The following PLXNA4 variants were observed in gnomAD, a reference collection of about 807,000 sequenced individuals.
PLXNA4 encodes plexin A4.
PLXNA4 carries 44 observed loss-of-function variants against 191.8 expected under a neutral mutation model. The ratio of observed to expected loss-of-function variants is 0.23; its 90% CI spans 0.18 to 0.29. The LOEUF is 0.29. Ranked by LOEUF, PLXNA4 falls within the 10% of genes least tolerant of loss-of-function variation. The pLI is 1.00. For synonymous variants in PLXNA4, 1,082 were observed against 1,009.5 expected, an observed-to-expected ratio of 1.07 and a Z score of -1.36; for missense variants, 1,800 against 2,488.8, an observed-to-expected ratio of 0.72 and a Z score of 5.89.
chr7:132,206,207 C>T (rs115701904), intron 10 of PLXNA4, among the ~76,000 whole-genome samples: 1 of 152,210 alleles, frequency 6.6e-6, no homozygotes, highest in Non-Finnish European at 1.5e-5. Context: ...GATTCAAGAT[C>T]ATGCACAGCA....
intron 3 of PLXNA4, among the ~76,000 whole-genome samples, chr7:132,330,893 C>G (rs920926022): frequency 4.6e-5 from 7 of 152,116 alleles, no homozygotes; most frequent in Admixed American, 4.6e-4. Context: ...ATATGTTTTT[C>G]TAAATAAAGA....
intron 5 of PLXNA4, among the ~76,000 whole-genome samples, chr7:132,231,727 G>C (rs1203814534): frequency 1.3e-5 from 2 of 152,164 alleles, no homozygotes; most frequent in Non-Finnish European, 2.9e-5. Context: ...GCCCAGCCCA[G>C]AACCACACAT....
At chr7:132,471,491 C>G (rs1333195473) in intron 3 of PLXNA4, among the ~76,000 whole-genome samples, 1 of 152,164 alleles carries the variant, frequency 6.6e-6, no homozygotes, top group African/African-American at 2.4e-5. Context: ...GTGCTGCTGG[C>G]TGAGTCCTCC....
At position 132,463,827 on chromosome 7, in the gene PLXNA4, T is replaced by C. The variant is rs1359827344; in HGVS notation, c.1371+25465A>G. Among the ~76,000 whole-genome samples, 4 of 152,142 alleles carry C rather than the reference T, an allele frequency of 2.6e-5. No homozygotes were observed. In the East Asian group the frequency reaches 5.8e-4, roughly 22 times the overall value. On this transcript the variant is annotated intron_variant, in intron 3 of 31. Coordinates refer to ENST00000321063, the MANE Select transcript of PLXNA4 (RefSeq NM_020911.2). The stretch of plus-strand genomic sequence containing the variant: ...TGAGCAGACATCTTATTCCTTCCAG[T>C]CCAGCATCAGTGGATAAAACAGAAC...
At chr7:132,192,230 T>C (rs1310077162) in intron 14 of PLXNA4, among the ~76,000 whole-genome samples, 1 of 152,184 alleles carries the variant, frequency 6.6e-6, no homozygotes, top group Non-Finnish European at 1.5e-5. Flanking sequence ...CCTTCTAGAC[T>C]GTAGGCCTCC....
chr7:132,304,317 G>A (rs537049738), intron 3 of PLXNA4, among the ~76,000 whole-genome samples: 5 of 152,092 alleles, frequency 3.3e-5, no homozygotes, highest in African/African-American at 1.2e-4. Context: ...CTCAGCCCCC[G>A]TAGATAGTTC....
At chr7:132,361,985 T>C (rs1310271583) in intron 3 of PLXNA4, among the ~76,000 whole-genome samples, 1 of 152,240 alleles carries the variant, frequency 6.6e-6, no homozygotes, top group Non-Finnish European at 1.5e-5. Context: ...CAACTGGATC[T>C]AAAGTGAGGT....
chr7:132,367,285 G>A (rs557256335), intron 3 of PLXNA4, among the ~76,000 whole-genome samples: 5 of 152,306 alleles, frequency 3.3e-5, no homozygotes, highest in African/African-American at 4.8e-5. Context: ...CCTAGATCCA[G>A]AGCCTGCTAA....
intron 24 of PLXNA4, among the ~76,000 whole-genome samples, chr7:132,163,200 A>T (rs1282690910): frequency 1.3e-5 from 2 of 152,198 alleles, no homozygotes; most frequent in Non-Finnish European, 2.9e-5. Flanking sequence ...GTGATCTCCA[A>T]AAAATCCCGA....
intron 4 of PLXNA4, among the ~76,000 whole-genome samples, chr7:132,254,972 T>A (rs1008020463): frequency 6.6e-6 from 1 of 152,070 alleles, no homozygotes; most frequent in Non-Finnish European, 1.5e-5. Flanking sequence ...AATTCCAGGC[T>A]AATTTGGGCC....
chr7:132,627,338 T>C (rs537011315), intron 2 of PLXNA4, among the ~76,000 whole-genome samples: 3 of 152,328 alleles, frequency 2.0e-5, no homozygotes, highest in Non-Finnish European at 2.9e-5. Context: ...TTTCCTGTCT[T>C]CATTCTCCTG....
intron 2 of PLXNA4, among the ~76,000 whole-genome samples, chr7:132,611,495 T>C (rs1803045601): frequency 6.6e-6 from 1 of 152,106 alleles, no homozygotes; most frequent in Non-Finnish European, 1.5e-5. Flanking sequence ...CCCAACTCCT[T>C]CACAACTTCT....
chr7:132,187,516 C>T lies in PLXNA4; in HGVS notation c.2948G>A (p.Ser983Asn), dbSNP rs1475843988. 6.2e-7 allele frequency: 1 copy of T among 1,614,138 alleles called. No individual in the cohort carries two copies. The highest frequency in any genetic ancestry group is 1.7e-5 in the Admixed American group (1 of 60,028). ...TITGTNLNAGSNVVVMFGKQP... is the reference protein window; with the variant it reads ...TITGTNLNAGNNVVVMFGKQP... ...CTTTCCAAACATCACCACCACGTTGCTTCCGGCATTCAGGTTGGTGCCTGT... is the reference window on the plus strand; with the variant it reads ...CTTTCCAAACATCACCACCACGTTGTTTCCGGCATTCAGGTTGGTGCCTGT... Residue 983 changes from serine to asparagine, a missense_variant, in exon 15 of 32, where the codon AGC (serine) becomes AAC (asparagine). Ser to Asn is a conservative substitution (Grantham distance 46). Around this residue, in one of 6 missense-constraint regions of PLXNA4, gnomAD observed 1,397 missense variants for 1,880.4 expected, o/e 0.74. Transcript: ENST00000321063.
chr7:132,446,971 G>A (rs1018022890), intron 3 of PLXNA4, among the ~76,000 whole-genome samples: 2 of 152,146 alleles, frequency 1.3e-5, no homozygotes, highest in South Asian at 2.1e-4. Context: ...TCCATAATGC[G>A]CATTTTCATT....
At chr7:132,238,768 C>T (rs1798784269) in intron 5 of PLXNA4, among the ~76,000 whole-genome samples, 2 of 152,058 alleles carry the variant, frequency 1.3e-5, no homozygotes, top group Non-Finnish European at 2.9e-5. Context: ...CATGCAGTTA[C>T]AGTAGAGCCA....
At chr7:132,143,544 AT>A (rs557359775) in intron 29 of PLXNA4, among the ~76,000 whole-genome samples, 1 of 151,934 alleles carries the variant, frequency 6.6e-6, no homozygotes, top group South Asian at 2.1e-4. Context: ...TGGGCAGAGC[AT>A]TTTTTTTTAA....
intron 2 of PLXNA4, among the ~76,000 whole-genome samples, chr7:132,503,816 C>A (rs892817576): frequency 6.6e-6 from 1 of 152,160 alleles, no homozygotes; most frequent in Non-Finnish European, 1.5e-5. Flanking sequence ...CCTCTAGGAC[C>A]CCCCCTCATA....
Position 132,176,627 on chromosome 7 carries a change from T to C in PLXNA4, c.3875-1707A>G, listed in dbSNP as rs1220285748. On this transcript the variant is annotated intron_variant, in intron 20 of 31. Coordinates refer to ENST00000321063, the MANE Select transcript of PLXNA4 (RefSeq NM_020911.2). ...GAGTGTGTATGACTGCATGTGTGTGTGTATGTCAGTGAGTGTGTAGGCATG... is the reference window on the plus strand; with the variant it reads ...GAGTGTGTATGACTGCATGTGTGTGCGTATGTCAGTGAGTGTGTAGGCATG... 4.8e-5 allele frequency among the ~76,000 whole-genome samples: 6 copies of C among 124,320 alleles called. No individual in the cohort carries two copies. In the East Asian group the frequency reaches 1.5e-3, roughly 30 times the overall value. 81.6% of individuals were successfully genotyped at this position (124,320 alleles called of 152,430 possible). A position where few individuals can be genotyped will look rare whatever the true frequency, so the allele number is the denominator to read the frequency against.
rs1794789627 is a variant in PLXNA4, at chr7:132,127,105, A to G, written c.*3374T>C. On this transcript the variant is annotated 3_prime_UTR_variant, in exon 32 of 32. Coordinates refer to ENST00000321063, the MANE Select transcript of PLXNA4 (RefSeq NM_020911.2). ...TATTCCTTAAAATTTAGGACCCCACAAAGCCCCCTTCTTCCCTGCTACCTT... is the reference window on the plus strand; with the variant it reads ...TATTCCTTAAAATTTAGGACCCCACGAAGCCCCCTTCTTCCCTGCTACCTT... 1 of 152,160 alleles carries G rather than the reference A, an allele frequency of 6.6e-6. No individual in the cohort carries two copies. Among genetic ancestry groups the G allele is most frequent in the Admixed American group, 6.5e-5 (1 of 15,268 alleles). 9.4% of individuals were successfully genotyped at this position (152,160 alleles called of 1,614,324 possible).
Sources: gnomAD v4.1 joint callset for allele counts (sites outside exome capture counted in the v4.1 genomes callset) on GRCh38, gnomAD v4.1.1 for gene constraint, gnomAD v4.1.1 regional missense constraint, MANE v1.5 for transcripts, NCBI Gene and HGNC (gene_info 2026-07-23, HGNC 2026-07-21) for gene names.